The following GLDC variants were observed in gnomAD, a reference collection of about 807,000 sequenced individuals.
The protein encoded by GLDC is glycine dehydrogenase (decarboxylating), mitochondrial.
A neutral mutation model predicts 121.3 loss-of-function variants in GLDC; 104 were observed. That is an observed-to-expected ratio of 0.86 (90% CI 0.73 to 1.01). The LOEUF (loss-of-function observed/expected upper bound fraction) is 1.01. Among genes scored for constraint, GLDC ranks in the 50% least tolerant of loss-of-function variants. The pLI, the probability that GLDC is intolerant of heterozygous loss-of-function variation, is 0.00. For missense variants in GLDC, 1,429 were observed against 1,306.6 expected, an observed-to-expected ratio of 1.09 and a Z score of -1.44; for synonymous variants, 546 against 480.6, an observed-to-expected ratio of 1.14 and a Z score of -1.78.
intron 15 of GLDC, among the ~76,000 whole-genome samples, chr9:6,576,554 C>T (rs1398839472): frequency 6.6e-6 from 1 of 152,146 alleles, no homozygotes; most frequent in Non-Finnish European, 1.5e-5. Context: ...GCAACCTCTG[C>T]CTCCCAGGTT....
intron 2 of GLDC, among the ~76,000 whole-genome samples, chr9:6,642,363 C>T (rs1004185366): frequency 1.3e-5 from 2 of 151,952 alleles, no homozygotes; most frequent in South Asian, 4.1e-4. Context: ...AACCCCATCT[C>T]TACTAAAAAT....
At chr9:6,621,887 C>G (rs1819103779) in intron 2 of GLDC, among the ~76,000 whole-genome samples, 1 of 152,128 alleles carries the variant, frequency 6.6e-6, no homozygotes, top group South Asian at 2.1e-4. Context: ...AGAGATAGAT[C>G]ATGCTACTAA....
chr9:6,538,087 C>CT (rs1817174906), intron 22 of GLDC, among the ~76,000 whole-genome samples: 1 of 151,752 alleles, frequency 6.6e-6, no homozygotes, highest in African/African-American at 2.4e-5. Context: ...ATGCATACAC[C>CT]TTTGTCACTC....
chr9:6,589,082 G>A (rs1205862153), intron 12 of GLDC, 113 bp downstream of exon 12: 12 of 779,932 alleles, frequency 1.5e-5, no homozygotes, highest in East Asian at 7.3e-5. Context: ...TGGGAGCCAC[G>A]GCTGAGCCAG....
chr9:6,602,897 CA>C (rs977320581), intron 7 of GLDC, among the ~76,000 whole-genome samples: 5 of 151,486 alleles, frequency 3.3e-5, no homozygotes, highest in African/African-American at 1.2e-4. Flanking sequence ...TGAAAACATT[CA>C]AAAAAATAAA....
chr9:6,550,744 C>G, intron 21 of GLDC, 59 bp downstream of exon 21: 1 of 1,065,196 alleles, frequency 9.4e-7, no homozygotes, highest in Admixed American at 1.7e-5. Context: ...GCATCTAGGT[C>G]AAACTTAGTT....
intron 16 of GLDC, among the ~76,000 whole-genome samples, chr9:6,564,965 G>A (rs1041056066): frequency 6.6e-6 from 1 of 152,216 alleles, no homozygotes; most frequent in Non-Finnish European, 1.5e-5. Context: ...CAGCACAACA[G>A]GGGTTACTGA....
intron 7 of GLDC, among the ~76,000 whole-genome samples, 163 bp downstream of exon 7, chr9:6,604,425 G>C (rs1211189411): frequency 6.6e-6 from 1 of 152,148 alleles, no homozygotes; most frequent in East Asian, 1.9e-4. Flanking sequence ...AGAAGTACTA[G>C]CTCATATCCC....
intron 18 of GLDC, among the ~76,000 whole-genome samples, chr9:6,555,236 T>A (rs1817598883): frequency 6.6e-6 from 1 of 152,106 alleles, no homozygotes; most frequent in South Asian, 2.1e-4. Flanking sequence ...TGGAAGGGGC[T>A]GCGGGGGCAC....
intron 22 of GLDC, among the ~76,000 whole-genome samples, chr9:6,539,447 C>G (rs888671613): frequency 5.3e-5 from 8 of 152,104 alleles, no homozygotes; most frequent in African/African-American, 1.7e-4. Context: ...TCACTGCACT[C>G]CAGCCTGGGC....
Position 6,553,491 on chromosome 9 carries a change from C to G in GLDC, c.2334G>C (p.Pro778=), listed in dbSNP as rs191795314. 6.2e-7 allele frequency: 1 copy of G among 1,612,980 alleles called. No homozygotes were observed. Among genetic ancestry groups the G allele is most frequent in the East Asian group, 2.2e-5 (1 of 44,842 alleles). ...AAATGACGGGATGATTGGGCAAAAA[C>G]GGGGCGAGATGTTTCTTCCTGTATT... is the stretch of plus-strand genomic sequence containing the variant. The part of the protein sequence containing the change: ...GPIGVKKHLA[P]FLPNHPVISL... Residue 778 remains proline, a synonymous_variant, in exon 20 of 25, where the codon CCG becomes CCC. Transcript: ENST00000321612.
At chr9:6,643,498 G>GT (rs1348951856) in intron 2 of GLDC, among the ~76,000 whole-genome samples, 7 of 149,748 alleles carry the variant, frequency 4.7e-5, no homozygotes, top group Non-Finnish European at 1.0e-4. Context: ...AAAGAGATAA[G>GT]TATCTCCATG....
At chr9:6,595,158 G>T (rs367984489) in intron 8 of GLDC, 39 bp from the exon 9 acceptor site, 18 of 1,267,268 alleles carry the variant, frequency 1.4e-5, no homozygotes, top group Non-Finnish European at 2.1e-5. Flanking sequence ...CGTGATGGAG[G>T]ACAATTAGTG....
chr9:6,535,941 A>C, intron 23 of GLDC, 123 bp downstream of exon 23: 2 of 868,892 alleles, frequency 2.3e-6, no homozygotes, highest in Admixed American at 1.8e-5. Flanking sequence ...TTCTCAGAAG[A>C]ATTACCTTAT....
At chr9:6,606,735 C>G (rs1818742083) in intron 4 of GLDC, 66 bp from the exon 5 acceptor site, 1 of 927,776 alleles carries the variant, frequency 1.1e-6, no homozygotes, top group Admixed American at 1.7e-5. Flanking sequence ...TCTAAGAACG[C>G]AAAGCAAACA....
At chr9:6,613,045 G>A (rs1008179388) in intron 3 of GLDC, among the ~76,000 whole-genome samples, 1 of 152,096 alleles carries the variant, frequency 6.6e-6, no homozygotes, top group African/African-American at 2.4e-5. Context: ...CAAAATGTAA[G>A]CTGGTTTTCT....
chr9:6,560,119 G>A (rs957638527), intron 16 of GLDC, among the ~76,000 whole-genome samples: 1 of 152,188 alleles, frequency 6.6e-6, no homozygotes, highest in Non-Finnish European at 1.5e-5. Flanking sequence ...ACAGGCTCTT[G>A]TAGAACTGAC....
intron 15 of GLDC, among the ~76,000 whole-genome samples, chr9:6,574,522 C>T (rs751678440): frequency 1.3e-5 from 2 of 151,970 alleles, no homozygotes; most frequent in Non-Finnish European, 2.9e-5. Context: ...TTCATAGGCT[C>T]CACTCCACGA....
At chr9:6,564,948 C>T (rs775283325) in intron 16 of GLDC, among the ~76,000 whole-genome samples, 4 of 152,166 alleles carry the variant, frequency 2.6e-5, no homozygotes, top group African/African-American at 4.8e-5. Flanking sequence ...TGACCAGAAC[C>T]GGGCTTCAGC....
Sources: allele counts gnomAD v4.1 joint callset (sites outside exome capture counted in the v4.1 genomes callset), GRCh38; gene constraint gnomAD v4.1.1; transcripts MANE v1.5; gene names NCBI Gene and HGNC (gene_info 2026-07-23, HGNC 2026-07-21).